CCND3: variants seen among roughly 807,000 people sequenced by gnomAD.
The protein encoded by CCND3 is G1/S-specific cyclin-D3.
In CCND3, 9 loss-of-function variants were observed where a neutral mutation model predicts 28.7. That is an observed-to-expected ratio of 0.31 (90% CI 0.19 to 0.55). The LOEUF (loss-of-function observed/expected upper bound fraction) is 0.55, where lower values mean the gene tolerates loss of function less well. Among genes scored for constraint, CCND3 ranks in the 20% least tolerant of loss-of-function variants. CCND3 has a pLI of 0.93. For synonymous variants in CCND3, 164 were observed against 163.9 expected (o/e 1.00, Z 0.00); for missense variants, 315 against 385.8 (o/e 0.82, Z 1.54).
At chr6:41,980,037 A>ACACACACACACACACACACAC (rs1554162943) in intron 1 of CCND3, among the ~76,000 whole-genome samples, 3 of 11,796 alleles carry the variant, frequency 2.5e-4, no homozygotes, top group Admixed American at 6.8e-4. Context: ...CACACACACA[A>ACACACACACACACACACACAC]TCAAACCTTT....
intron 1 of CCND3, among the ~76,000 whole-genome samples, chr6:42,041,203 A>G (rs1396252699): frequency 6.6e-6 from 1 of 152,190 alleles, no homozygotes; most frequent in African/African-American, 2.4e-5. Context: ...AAACTTTCTG[A>G]GGACCACCCA....
chr6:41,964,489 TGTGTGTGTGA>T (rs1427982647), intron 1 of CCND3, among the ~76,000 whole-genome samples: 1 of 134,408 alleles, frequency 7.4e-6, no homozygotes, highest in Non-Finnish European at 1.6e-5. Context: ...TGTGTGAATG[TGTGTGTGTGA>T]GTGTGTGTGT....
chr6:41,968,166 T>A (rs1761939865), intron 1 of CCND3, among the ~76,000 whole-genome samples: 1 of 152,150 alleles, frequency 6.6e-6, no homozygotes, highest in Non-Finnish European at 1.5e-5. Flanking sequence ...GTATAAAGTG[T>A]CATCAATTCA....
At chr6:41,979,171 C>CAAAA (rs58797317) in intron 1 of CCND3, among the ~76,000 whole-genome samples, 6,715 of 86,674 alleles carry the variant, frequency 0.077, 468 homozygotes, top group East Asian at 0.21. Context: ...AACTCTGTCT[C>CAAAA]AAAAAAAAAA....
At chr6:41,960,398 T>C (rs1761689422) in intron 1 of CCND3, among the ~76,000 whole-genome samples, 1 of 152,244 alleles carries the variant, frequency 6.6e-6, no homozygotes, top group Non-Finnish European at 1.5e-5. Context: ...ATGTAACTTA[T>C]AACTCAATAA....
upstream of CCND3, among the ~76,000 whole-genome samples, chr6:41,945,686 A>G (rs975906602): frequency 6.6e-6 from 1 of 152,176 alleles, no homozygotes; most frequent in Admixed American, 6.5e-5. Context: ...AGGGTTCTGG[A>G]GTCAGAGACT....
At chr6:42,040,879 C>CAAAAAAAAAAAAAAAA (rs575544643) in intron 1 of CCND3, among the ~76,000 whole-genome samples, 3 of 140,648 alleles carry the variant, frequency 2.1e-5, no homozygotes, top group Non-Finnish European at 1.6e-5. Context: ...AAAAAAAAAA[C>CAAAAAAAAAAAAAAAA]AAAAAAAAAA....
Position 41,936,123 on chromosome 6 carries a change from A to G in CCND3, c.712-16T>C. On this transcript the variant is annotated splice_polypyrimidine_tract_variant and intron_variant, in intron 4 of 4. Coordinates refer to ENST00000372991, the MANE Select transcript of CCND3 (RefSeq NM_001760.5). The surrounding 1 kb of genome is among the most constrained non-coding windows in gnomAD (Gnocchi z 4.4). Reference sequence around the variant, plus strand: ...GCAGGCAGTCCTGGGAACATGGGAGAAGAGTGAGGAGCAAACACTCCCCCC... The same window carrying G: ...GCAGGCAGTCCTGGGAACATGGGAGGAGAGTGAGGAGCAAACACTCCCCCC... 2 of 1,557,818 alleles carry G rather than the reference A, an allele frequency of 1.3e-6. No individual in the cohort carries two copies. Among genetic ancestry groups the G allele is most frequent in the Non-Finnish European group, 1.7e-6 (2 of 1,151,298 alleles).
At chr6:41,989,381 G>A (rs112297529) in intron 1 of CCND3, among the ~76,000 whole-genome samples, 169 of 150,330 alleles carry the variant, frequency 1.1e-3, no homozygotes, top group African/African-American at 3.7e-3. Flanking sequence ...CTTGAACCTG[G>A]GAGATGGAGG....
At chr6:42,045,424 G>A (rs1242440830) in intron 1 of CCND3, among the ~76,000 whole-genome samples, 2 of 152,178 alleles carry the variant, frequency 1.3e-5, no homozygotes, top group Non-Finnish European at 2.9e-5. Flanking sequence ...GAGTTGTGGT[G>A]AATAAATATT....
chr6:42,035,682 CTTT>C (rs70987564), intron 1 of CCND3, among the ~76,000 whole-genome samples: 1 of 134,046 alleles, frequency 7.5e-6, no homozygotes, highest in Non-Finnish European at 1.6e-5. Flanking sequence ...CTTTTCTTTT[CTTT>C]TTTTTTTTTT....
At chr6:41,965,801 C>T (rs1761871616) in intron 1 of CCND3, among the ~76,000 whole-genome samples, 1 of 152,158 alleles carries the variant, frequency 6.6e-6, no homozygotes, top group Non-Finnish European at 1.5e-5. Flanking sequence ...TAATCGATGC[C>T]GTAGGGTTAA....
chr6:41,996,688 C>T (rs1278260436), intron 1 of CCND3, among the ~76,000 whole-genome samples: 12 of 136,398 alleles, frequency 8.8e-5, no homozygotes, highest in African/African-American at 3.3e-4. Context: ...TTTTTTGAGA[C>T]GGAGTCTTGC....
At chr6:41,964,401 AATGT>A (rs1761805831) in intron 1 of CCND3, among the ~76,000 whole-genome samples, 1 of 133,928 alleles carries the variant, frequency 7.5e-6, no homozygotes, top group Non-Finnish European at 1.6e-5. Flanking sequence ...TGCATGTGTG[AATGT>A]GTGTGTCTGT....
chr6:41,972,581 G>A (rs1468273733), intron 1 of CCND3, among the ~76,000 whole-genome samples: 1 of 152,046 alleles, frequency 6.6e-6, no homozygotes, highest in Non-Finnish European at 1.5e-5. Context: ...TTGCATAAAG[G>A]TTCCCATCAC....
intron 1 of CCND3, among the ~76,000 whole-genome samples, chr6:41,992,312 G>A (rs1382437798): frequency 2.0e-5 from 3 of 151,774 alleles, no homozygotes; most frequent in East Asian, 1.9e-4. Context: ...ACAGGTGCCT[G>A]CCACCATGCC....
intron 1 of CCND3, among the ~76,000 whole-genome samples, chr6:42,035,377 TC>T (rs1227252839): frequency 1.3e-5 from 2 of 152,198 alleles, no homozygotes; most frequent in African/African-American, 4.8e-5. Context: ...TTTTCTTTTT[TC>T]TTTTTTTGAG....
intron 1 of CCND3, among the ~76,000 whole-genome samples, chr6:41,995,757 A>T (rs1172309058): frequency 1.3e-5 from 2 of 152,116 alleles, no homozygotes; most frequent in African/African-American, 4.8e-5. Flanking sequence ...CACGAGAGAT[A>T]AAAATACATA....
At chr6:41,970,719 G>A (rs988851245) in intron 1 of CCND3, among the ~76,000 whole-genome samples, 1 of 152,138 alleles carries the variant, frequency 6.6e-6, no homozygotes, top group African/African-American at 2.4e-5. Context: ...ACACCCATGC[G>A]CTTCCACGTG....
Sources: gnomAD v4.1 joint callset for allele counts (sites outside exome capture counted in the v4.1 genomes callset) on GRCh38, gnomAD v4.1.1 for gene constraint, Gnocchi (gnomAD v3.1) non-coding constraint, MANE v1.5 for transcripts, NCBI Gene and HGNC (gene_info 2026-07-23, HGNC 2026-07-21) for gene names.